LHFPL3: variants seen among roughly 807,000 people sequenced by gnomAD.
LHFPL3 encodes LHFPL tetraspan subfamily member 3 protein.
LHFPL3 carries 5 observed loss-of-function variants against 19.3 expected under a neutral mutation model. The ratio of observed to expected loss-of-function variants is 0.26; its 90% confidence interval spans 0.14 to 0.54. LHFPL3 has a LOEUF of 0.54. LHFPL3 is among the 20% of genes least tolerant of loss of function. The pLI is 0.94. For missense variants in LHFPL3, 249 were observed against 307.4 expected (o/e 0.81, Z 1.42); for synonymous variants, 133 against 126.2 (o/e 1.05, Z -0.36).
At chr7:104,797,721 C>T (rs1486828165) in intron 2 of LHFPL3, among the ~76,000 whole-genome samples, 1 of 149,458 alleles carries the variant, frequency 6.7e-6, no homozygotes, top group Admixed American at 6.7e-5. Context: ...AGAGACCAGC[C>T]TGGGTACCAA....
At chr7:104,631,849 T>G (rs916568951) in intron 1 of LHFPL3, among the ~76,000 whole-genome samples, 1 of 152,156 alleles carries the variant, frequency 6.6e-6, no homozygotes, top group African/African-American at 2.4e-5. Context: ...TGTAAGTGTT[T>G]TGTAGTGGAA....
chr7:104,854,233 G>A (rs1034846411), intron 2 of LHFPL3, among the ~76,000 whole-genome samples: 5 of 151,924 alleles, frequency 3.3e-5, no homozygotes, highest in African/African-American at 9.7e-5. Flanking sequence ...GGGCCAGTTA[G>A]AGGGAGGTGA....
At chr7:104,361,331 T>C (rs372953532) in intron 1 of LHFPL3, among the ~76,000 whole-genome samples, 5 of 152,240 alleles carry the variant, frequency 3.3e-5, no homozygotes, top group East Asian at 3.8e-4. Flanking sequence ...TATAGATTCC[T>C]ATTGATTTTT....
At position 104,424,898 on chromosome 7, in the gene LHFPL3, C is replaced by T. The variant is rs574794080; in HGVS notation, c.445+95674C>T. Among the ~76,000 whole-genome samples, 8 of 146,688 alleles carry T rather than the reference C, an allele frequency of 5.5e-5. No homozygotes were observed. In the South Asian group the frequency reaches 6.6e-4, roughly 12 times the overall value. Reference sequence around the variant, plus strand: ...TTGGGAGGCTGAGGCAGGAGAATGGCGTGAACCCGGGAGGAAGAGCTTGCA... The same window carrying T: ...TTGGGAGGCTGAGGCAGGAGAATGGTGTGAACCCGGGAGGAAGAGCTTGCA... On this transcript the variant is annotated intron_variant, in intron 1 of 2. Coordinates refer to ENST00000424859, the MANE Select transcript of LHFPL3 (RefSeq NM_199000.3).
chr7:104,463,243 G>T (rs1428490516), intron 1 of LHFPL3, among the ~76,000 whole-genome samples: 3 of 152,074 alleles, frequency 2.0e-5, no homozygotes, highest in Non-Finnish European at 4.4e-5. Flanking sequence ...CCTCAGTTCA[G>T]CTTTGAATTT....
chr7:104,358,369 G>A (rs1051310307), intron 1 of LHFPL3, among the ~76,000 whole-genome samples: 1 of 152,190 alleles, frequency 6.6e-6, no homozygotes, highest in African/African-American at 2.4e-5. Flanking sequence ...TCTGACCACA[G>A]TGGGCTCGAA....
intron 2 of LHFPL3, among the ~76,000 whole-genome samples, chr7:104,874,395 T>C (rs1791894305): frequency 7.1e-6 from 1 of 141,144 alleles, no homozygotes; most frequent in African/African-American, 2.8e-5. Flanking sequence ...GAATGCTTTT[T>C]TTTTTTTTTT....
intron 1 of LHFPL3, among the ~76,000 whole-genome samples, chr7:104,334,489 C>T (rs1366526031): frequency 6.6e-6 from 1 of 152,226 alleles, no homozygotes; most frequent in East Asian, 1.9e-4. Context: ...GGAGGTTACA[C>T]TGAGCCGAGA....
intron 1 of LHFPL3, among the ~76,000 whole-genome samples, chr7:104,546,169 T>C (rs1023253419): frequency 2.6e-5 from 4 of 152,172 alleles, no homozygotes; most frequent in African/African-American, 9.7e-5. Context: ...GACAAGACTG[T>C]ATTTAGAGGA....
At chr7:104,460,917 C>T (rs1792649987) in intron 1 of LHFPL3, among the ~76,000 whole-genome samples, 1 of 152,088 alleles carries the variant, frequency 6.6e-6, no homozygotes. Flanking sequence ...AATCTTTGCC[C>T]ATCCAGAATG....
Position 104,576,640 on chromosome 7 carries a change from T to G in LHFPL3, c.446-160035T>G, listed in dbSNP as rs996877510. On this transcript the variant is annotated intron_variant, in intron 1 of 2. Transcript: ENST00000424859. ...TGTCCTGTCTGAGAGAGTTGGGTTT[T>G]TTTGTTTGTTTGTTTGTTTTGTTTT... Among the ~76,000 whole-genome samples, 34 of 151,968 alleles carry G rather than the reference T, an allele frequency of 2.2e-4. 1 individual carries two copies. The highest frequency in any genetic ancestry group is 7.7e-4 in the African/African-American group (32 of 41,424).
intron 1 of LHFPL3, among the ~76,000 whole-genome samples, chr7:104,722,641 G>A (rs959292266): frequency 6.6e-6 from 1 of 152,160 alleles, no homozygotes; most frequent in South Asian, 2.1e-4. Context: ...TCAGCCACGT[G>A]CCAATAAAGA....
intron 1 of LHFPL3, chr7:104,668,171 T>C: frequency 6.2e-7 from 1 of 1,614,012 alleles, no homozygotes. Flanking sequence ...GTTTTGGTTA[T>C]GCTGAATTTG....
intron 1 of LHFPL3, among the ~76,000 whole-genome samples, chr7:104,562,899 C>G (rs1438232044): frequency 2.0e-5 from 3 of 151,918 alleles, no homozygotes; most frequent in Admixed American, 1.3e-4. Flanking sequence ...TTCCTTCTAA[C>G]AGAGAGGACC....
intron 2 of LHFPL3, among the ~76,000 whole-genome samples, chr7:104,759,976 G>T (rs899380212): frequency 6.6e-6 from 1 of 152,180 alleles, no homozygotes; most frequent in Non-Finnish European, 1.5e-5. Flanking sequence ...TTGTATTATC[G>T]TCGCTCCTCA....
intron 1 of LHFPL3, among the ~76,000 whole-genome samples, chr7:104,682,989 A>G (rs931949514): frequency 6.6e-6 from 1 of 151,998 alleles, no homozygotes; most frequent in Non-Finnish European, 1.5e-5. Flanking sequence ...TTGTTTTTTA[A>G]TTACTATTTT....
chr7:104,456,438 T>G (rs1229557024), intron 1 of LHFPL3, among the ~76,000 whole-genome samples: 1 of 152,238 alleles, frequency 6.6e-6, no homozygotes, highest in African/African-American at 2.4e-5. Flanking sequence ...AGTGCCCTTC[T>G]AATTTCCAAG....
intron 1 of LHFPL3, among the ~76,000 whole-genome samples, chr7:104,696,242 G>T (rs1020310776): frequency 6.6e-6 from 1 of 152,136 alleles, no homozygotes; most frequent in African/African-American, 2.4e-5. Flanking sequence ...GAGCCATTGC[G>T]CCCAGCCTGA....
At chr7:104,479,259 A>G (rs1156362869) in intron 1 of LHFPL3, among the ~76,000 whole-genome samples, 3 of 152,132 alleles carry the variant, frequency 2.0e-5, no homozygotes, top group African/African-American at 7.2e-5. Flanking sequence ...CATAGGATTT[A>G]TTGTTTTCAT....
Sources: gnomAD v4.1 joint callset for allele counts (sites outside exome capture counted in the v4.1 genomes callset) on GRCh38, gnomAD v4.1.1 for gene constraint, MANE v1.5 for transcripts, NCBI Gene and HGNC (gene_info 2026-07-23, HGNC 2026-07-21) for gene names.